Variants in ATP10D observed in about 807,000 individuals in gnomAD.
The protein encoded by ATP10D is ATPase phospholipid transporting 10D (putative).
A neutral mutation model predicts 144.8 loss-of-function variants in ATP10D; 89 were observed. That is an observed-to-expected ratio of 0.61 (90% CI 0.52 to 0.73). The LOEUF is 0.73. ATP10D is among the 30% of genes least tolerant of loss of function. The pLI, the probability that ATP10D is intolerant of heterozygous loss-of-function variation, is 0.00. For synonymous variants in ATP10D, 571 were observed against 615.1 expected (o/e 0.93, Z 1.06); for missense variants, 1,603 against 1,714.8 (o/e 0.93, Z 1.15).
chr4:47,576,113 A>G (rs1720228416), intron 18 of ATP10D, among the ~76,000 whole-genome samples: 1 of 151,014 alleles, frequency 6.6e-6, no homozygotes, highest in African/African-American at 2.4e-5. Flanking sequence ...TTGTATTTTT[A>G]GTAGTGACGG....
intron 1 of ATP10D, among the ~76,000 whole-genome samples, chr4:47,502,327 T>C (rs1042451102): frequency 5.9e-5 from 9 of 152,086 alleles, no homozygotes; most frequent in East Asian, 1.9e-4. Context: ...AGAAATTAGC[T>C]GGGCGTGGTG....
At chr4:47,528,336 G>T (rs111873669) in intron 5 of ATP10D, among the ~76,000 whole-genome samples, 2,828 of 152,058 alleles carry the variant, frequency 0.019, 61 homozygotes, top group African/African-American at 0.049. Context: ...TTATGAGTGA[G>T]AACATGCAGT....
Position 47,587,129 on chromosome 4 carries a change from G to C in ATP10D, c.3864G>C (p.Trp1288Cys). The change falls in exon 22 of 23, where the codon TGG becomes TGC. Residue 1288 changes from tryptophan to cysteine, a missense_variant. Physicochemically the swap from Trp to Cys is radical, Grantham distance 215. Transcript: ENST00000273859. ...GCAACCCACCATCCAACCCTTACTGGATTATGCAGGAGCACATGCTGGATC... is the reference window on the plus strand; with the variant it reads ...GCAACCCACCATCCAACCCTTACTGCATTATGCAGGAGCACATGCTGGATC... ...VTCNPPSNPY[W>C]IMQEHMLDPV... The C allele has an allele frequency of 6.2e-7, 1 of 1,614,038 alleles. No homozygotes were observed. The highest frequency in any genetic ancestry group is 8.5e-7 in the Non-Finnish European group (1 of 1,179,952).
chr4:47,512,495 GT>G lies in ATP10D; in HGVS notation c.-37-6del, dbSNP rs755510948. 2.4e-5 allele frequency: 36 copies of G among 1,528,658 alleles called. No individual in the cohort carries two copies. The highest frequency in any genetic ancestry group is 3.1e-5 in the Non-Finnish European group (35 of 1,130,330). 94.7% of individuals were successfully genotyped at this position (1,528,658 alleles called of 1,614,324 possible). A position where few individuals can be genotyped will look rare whatever the true frequency, so the allele number is the denominator to read the frequency against. Reference sequence around the variant, plus strand: ...GCTCATGGAAGTGTGGTTTTTGTTTGTTTGCCAGGTCAGCTACACAACCTGG... The same window carrying G: ...GCTCATGGAAGTGTGGTTTTTGTTTGTTGCCAGGTCAGCTACACAACCTGG... On this transcript the variant is annotated splice_region_variant and splice_polypyrimidine_tract_variant and intron_variant, in intron 1 of 22. Coordinates refer to ENST00000273859, the MANE Select transcript of ATP10D (RefSeq NM_020453.4).
intron 15 of ATP10D, 62 bp from the exon 16 acceptor site, chr4:47,568,775 A>G (rs534743301): frequency 1.4e-4 from 193 of 1,409,410 alleles, no homozygotes; most frequent in Non-Finnish European, 1.8e-4. Flanking sequence ...ACAATAAAAA[A>G]TGTAACTGGT....
Position 47,535,604 on chromosome 4 carries a change from T to C in ATP10D, c.872T>C (p.Val291Ala), listed in dbSNP as rs200685217. Residue 291 changes from valine (V) to alanine (A), a missense_variant, in exon 6 of 23, where the codon GTG becomes GCG. Physicochemically the swap from Val to Ala is moderately conservative, Grantham distance 64. Coordinates refer to ENST00000273859, the MANE Select transcript of ATP10D (RefSeq NM_020453.4). ...IRNTEAVVGI[V>A]VYAGHETKAM... is the part of the protein sequence containing the mutation. ...AACACAGAGGCTGTTGTGGGCATTGTGGTTTATGCAGGTCGGTTATGTTTC... is the reference window on the plus strand; with the variant it reads ...AACACAGAGGCTGTTGTGGGCATTGCGGTTTATGCAGGTCGGTTATGTTTC... The C allele has an allele frequency of 4.2e-5, 68 of 1,611,212 alleles. No individual in the cohort carries two copies. The highest frequency in any genetic ancestry group is 7.6e-6 in the Non-Finnish European group (9 of 1,178,990).
At chr4:47,495,850 G>A (rs1435471515) in intron 1 of ATP10D, among the ~76,000 whole-genome samples, 2 of 150,708 alleles carry the variant, frequency 1.3e-5, no homozygotes, top group African/African-American at 4.9e-5. Context: ...CAATTCTTCT[G>A]CCTCAGCCTC....
chr4:47,524,737 C>T (rs777889868), intron 4 of ATP10D, among the ~76,000 whole-genome samples: 4 of 152,114 alleles, frequency 2.6e-5, no homozygotes, highest in Non-Finnish European at 5.9e-5. Context: ...TATTTTAGTA[C>T]CTACCTCATG....
intron 15 of ATP10D, among the ~76,000 whole-genome samples, chr4:47,568,372 GC>G: frequency 6.6e-6 from 1 of 152,202 alleles, no homozygotes; most frequent in Non-Finnish European, 1.5e-5. Flanking sequence ...TATTTCAAAT[GC>G]CTGCCATGTG....
intron 1 of ATP10D, among the ~76,000 whole-genome samples, chr4:47,511,647 G>T (rs1309944680): frequency 6.6e-6 from 1 of 152,162 alleles, no homozygotes; most frequent in African/African-American, 2.4e-5. Flanking sequence ...TTGTAGCAAA[G>T]CACCCCAAAA....
chr4:47,575,365 C>A (rs1306549383), intron 18 of ATP10D, among the ~76,000 whole-genome samples: 1 of 152,124 alleles, frequency 6.6e-6, no homozygotes, highest in East Asian at 1.9e-4. Context: ...CAAAATACTA[C>A]AGGAAACCAT....
chr4:47,554,617 C>A, intron 10 of ATP10D, 109 bp from the exon 11 acceptor site: 2 of 810,416 alleles, frequency 2.5e-6, no homozygotes, highest in Admixed American at 2.9e-5. Context: ...TAAAGTTTAC[C>A]ATCTCATGAT....
At chr4:47,549,222 G>A (rs747642233) in intron 10 of ATP10D, among the ~76,000 whole-genome samples, 5 of 152,130 alleles carry the variant, frequency 3.3e-5, no homozygotes, top group East Asian at 1.9e-4. Flanking sequence ...TATTCTACAC[G>A]AAATGCTCTT....
chr4:47,560,928 C>T, intron 13 of ATP10D, 21 bp from the exon 14 acceptor site: 1 of 1,613,922 alleles, frequency 6.2e-7, no homozygotes, highest in Non-Finnish European at 8.5e-7. Flanking sequence ...CTTCATACCT[C>T]TCTTTTAATT....
intron 18 of ATP10D, 139 bp from the exon 19 acceptor site, chr4:47,576,634 G>A: frequency 1.3e-6 from 1 of 751,018 alleles, no homozygotes; most frequent in Non-Finnish European, 2.3e-6. Context: ...AAGCTGCAAG[G>A]TAAATTGTGG....
intron 1 of ATP10D, among the ~76,000 whole-genome samples, chr4:47,502,635 TATATA>T (rs1209622509): frequency 1.9e-4 from 28 of 148,414 alleles, no homozygotes; most frequent in South Asian, 8.4e-4. Flanking sequence ...TATACGTATG[TATATA>T]ATATATGTAT....
At chr4:47,582,153 G>A in intron 21 of ATP10D, 89 bp downstream of exon 21, 3 of 1,045,702 alleles carry the variant, frequency 2.9e-6, no homozygotes, top group Non-Finnish European at 4.4e-6. Flanking sequence ...AAGATAAGTG[G>A]TAATGAGAAG....
At chr4:47,513,838 T>C (rs887782207) in intron 2 of ATP10D, among the ~76,000 whole-genome samples, 1 of 152,178 alleles carries the variant, frequency 6.6e-6, no homozygotes, top group East Asian at 1.9e-4. Flanking sequence ...GGTGGGTAGA[T>C]GAAAAGACTT....
At chr4:47,565,272 TTTTATGGTC>T (rs1327101104) in intron 15 of ATP10D, among the ~76,000 whole-genome samples, 8 of 152,134 alleles carry the variant, frequency 5.3e-5, no homozygotes, top group African/African-American at 1.9e-4. Context: ...GTTAGCATGT[TTTTATGGTC>T]AGACCTCAAC....
Sources: gnomAD v4.1 joint callset for allele counts (sites outside exome capture counted in the v4.1 genomes callset) on GRCh38, gnomAD v4.1.1 for gene constraint, MANE v1.5 for transcripts, NCBI Gene and HGNC (gene_info 2026-07-23, HGNC 2026-07-21) for gene names.